The following SEMA4D variants were observed in gnomAD, a reference collection of about 807,000 sequenced individuals.
The protein encoded by SEMA4D is semaphorin-4D.
SEMA4D carries 22 observed loss-of-function variants against 74.8 expected under a neutral mutation model. The ratio of observed to expected loss-of-function variants is 0.29; its 90% CI spans 0.21 to 0.42. The LOEUF (loss-of-function observed/expected upper bound fraction) is 0.42, where lower values mean the gene tolerates loss of function less well. SEMA4D is among the 10% of genes least tolerant of loss of function. The probability of loss-of-function intolerance (pLI) is 1.00; values close to 1 mark genes in which losing one functional copy is unlikely to be tolerated. For missense variants in SEMA4D, 937 were observed against 1,118.4 expected (o/e 0.84, Z 2.31); for synonymous variants, 445 against 463.7 (o/e 0.96, Z 0.52).
intron 11 of SEMA4D, among the ~76,000 whole-genome samples, 175 bp downstream of exon 11, chr9:89,388,461 T>C (rs1238833338): frequency 6.6e-6 from 1 of 152,228 alleles, no homozygotes; most frequent in Non-Finnish European, 1.5e-5. Flanking sequence ...GGCTGTTACG[T>C]AACATGCAAA....
chr9:89,452,036 TAGG>T (rs1019698005), intron 2 of SEMA4D, among the ~76,000 whole-genome samples: 2 of 152,112 alleles, frequency 1.3e-5, no homozygotes, highest in South Asian at 2.1e-4. Context: ...CAGCCACTGA[TAGG>T]AGGAGGTGCT....
intron 2 of SEMA4D, among the ~76,000 whole-genome samples, chr9:89,424,290 C>T (rs1482828194): frequency 3.3e-5 from 5 of 152,194 alleles, no homozygotes; most frequent in East Asian, 1.9e-4. Flanking sequence ...CCCACAATGG[C>T]GGCCCACACC....
intron 1 of SEMA4D, among the ~76,000 whole-genome samples, chr9:89,470,087 G>A (rs55885606): frequency 0.17 from 26,143 of 152,216 alleles, 2,962 homozygotes; most frequent in Non-Finnish European, 0.25. Context: ...CAACATAAAA[G>A]TGGTCATATT....
Position 89,396,747 on chromosome 9 carries a change from C to T in SEMA4D, c.404G>A (p.Cys135Tyr). The change falls in exon 6 of 16, where the codon TGT becomes TAT. Residue 135 changes from cysteine to tyrosine, a missense_variant. Physicochemically the swap from Cys to Tyr is radical, Grantham distance 194. Transcript: ENST00000422704. ...VCGTNAFQPA[C>Y]DHLNLTSFKF... is the part of the protein sequence containing the mutation. ...GCCCATCAGCCTTACCAGGTGGTCA[C>T]AGGCCGGCTGGAATGCGTTGGTCCC... 1.2e-6 allele frequency: 2 copies of T among 1,613,432 alleles called. No individual in the cohort carries two copies. The highest frequency in any genetic ancestry group is 1.1e-5 in the South Asian group (1 of 90,856).
intron 2 of SEMA4D, among the ~76,000 whole-genome samples, chr9:89,442,761 C>A (rs1177426126): frequency 1.3e-5 from 2 of 152,170 alleles, no homozygotes; most frequent in Non-Finnish European, 2.9e-5. Context: ...GGGATCAGCA[C>A]CAGACAGTGT....
intron 13 of SEMA4D, chr9:89,385,306 T>C (rs1269521463): frequency 1.0e-6 from 1 of 985,298 alleles, no homozygotes; most frequent in African/African-American, 1.7e-5. Flanking sequence ...ATCTTCATTC[T>C]AATGAGAAGT....
At chr9:89,489,425 A>G (rs565009096) in intron 1 of SEMA4D, among the ~76,000 whole-genome samples, 2 of 152,334 alleles carry the variant, frequency 1.3e-5, no homozygotes, top group East Asian at 3.9e-4. Context: ...TACATTCGCA[A>G]TGTTATGTAA....
At chr9:89,393,783 G>A (rs938341542) in intron 6 of SEMA4D, 128 bp from the exon 7 acceptor site, 2 of 705,516 alleles carry the variant, frequency 2.8e-6, no homozygotes, top group Non-Finnish European at 2.5e-6. Context: ...GCAGATAGGT[G>A]TGGAGCTACA....
intron 18 of SEMA4D, chr9:89,363,346 G>A (rs1382701987): frequency 3.2e-6 from 5 of 1,576,202 alleles, no homozygotes; most frequent in East Asian, 2.2e-5. Context: ...TGCTGAATGG[G>A]GCCCTTGAAA....
chr9:89,466,323 T>C (rs1219680858), intron 1 of SEMA4D, among the ~76,000 whole-genome samples: 1 of 152,210 alleles, frequency 6.6e-6, no homozygotes, highest in Admixed American at 6.5e-5. Context: ...ACGCCTTTTC[T>C]TTCTGCCAAT....
chr9:89,496,285 C>T (rs1333017733), intron 1 of SEMA4D, among the ~76,000 whole-genome samples: 1 of 152,212 alleles, frequency 6.6e-6, no homozygotes, highest in Non-Finnish European at 1.5e-5. Context: ...TGCTGTGCTG[C>T]AAGACCTTGG....
At chr9:89,449,709 A>T in intron 2 of SEMA4D, 1 of 1,520,884 alleles carries the variant, frequency 6.6e-7, no homozygotes, top group Non-Finnish European at 9.1e-7. Context: ...CCTGTGTGAG[A>T]AAGGTGATGC....
chr9:89,442,762 C>T (rs56892748), intron 2 of SEMA4D, among the ~76,000 whole-genome samples: 9,178 of 152,218 alleles, frequency 0.06, 513 homozygotes, highest in East Asian at 0.29. Flanking sequence ...GGATCAGCAC[C>T]AGACAGTGTC....
At chr9:89,363,687 A>G in intron 17 of SEMA4D, 2 of 1,596,252 alleles carry the variant, frequency 1.3e-6, no homozygotes, top group African/African-American at 1.3e-5. Flanking sequence ...TGCCATTGTA[A>G]ATAGTGAAAA....
intron 2 of SEMA4D, among the ~76,000 whole-genome samples, chr9:89,411,068 G>GC (rs1268828704): frequency 2.0e-5 from 3 of 152,242 alleles, no homozygotes; most frequent in African/African-American, 7.2e-5. Context: ...TTCTTAGGAA[G>GC]CGAGTGGAGG....
chr9:89,427,544 C>G (rs1460165690), intron 2 of SEMA4D, among the ~76,000 whole-genome samples: 1 of 152,160 alleles, frequency 6.6e-6, no homozygotes, highest in East Asian at 1.9e-4. Flanking sequence ...CTCTGCAGCA[C>G]CCAAATGGGA....
At chr9:89,431,197 G>A (rs1394540880) in intron 2 of SEMA4D, among the ~76,000 whole-genome samples, 1 of 152,182 alleles carries the variant, frequency 6.6e-6, no homozygotes, top group African/African-American at 2.4e-5. Context: ...CACACCCAGG[G>A]AATGGCCTGA....
intron 1 of SEMA4D, among the ~76,000 whole-genome samples, chr9:89,461,706 T>C (rs1380354878): frequency 1.3e-4 from 16 of 120,958 alleles, no homozygotes; most frequent in South Asian, 6.0e-4. Context: ...TTCTCTTTTT[T>C]TTTTTTTTTT....
At chr9:89,434,077 G>C (rs1849865972) in intron 2 of SEMA4D, among the ~76,000 whole-genome samples, 1 of 152,224 alleles carries the variant, frequency 6.6e-6, no homozygotes, top group Non-Finnish European at 1.5e-5. Context: ...GGAATGCCAA[G>C]TGACGTGGAC....
Sources: allele counts gnomAD v4.1 joint callset (sites outside exome capture counted in the v4.1 genomes callset), GRCh38; gene constraint gnomAD v4.1.1; transcripts MANE v1.5; gene names NCBI Gene and HGNC (gene_info 2026-07-23, HGNC 2026-07-21).